Variants in AGMO observed in about 807,000 individuals in gnomAD.
AGMO encodes the protein glyceryl-ether monooxygenase.
In AGMO, 75 loss-of-function variants were observed where a neutral mutation model predicts 60.2. The ratio of observed to expected loss-of-function variants is 1.25; its 90% CI spans 1.03 to 1.51. The LOEUF is 1.51. Among genes scored for constraint, AGMO ranks in the 40% most tolerant of loss-of-function variants. The pLI is 0.00. For synonymous variants in AGMO, 261 were observed against 177.1 expected (o/e 1.47, Z -3.76); for missense variants, 763 against 525.5 (o/e 1.45, Z -4.42).
At chr7:15,334,932 C>T (rs190469094) in intron 12 of AGMO, among the ~76,000 whole-genome samples, 90 of 152,290 alleles carry the variant, frequency 5.9e-4, no homozygotes, top group African/African-American at 2.1e-3. Flanking sequence ...AGAGCCTTTA[C>T]TGGCTCTATT....
At chr7:15,223,048 C>T (rs1292502372) in intron 12 of AGMO, among the ~76,000 whole-genome samples, 2 of 151,852 alleles carry the variant, frequency 1.3e-5, no homozygotes, top group African/African-American at 4.8e-5. Context: ...AACAATGAAG[C>T]ATTTCATGTA....
intron 3 of AGMO, among the ~76,000 whole-genome samples, chr7:15,468,600 G>A (rs193187744): frequency 6.8e-4 from 103 of 152,090 alleles, no homozygotes; most frequent in Middle Eastern, 3.4e-3. Flanking sequence ...TGATAAGAAC[G>A]TGCCTTAGAG....
At chr7:15,199,211 T>C, downstream of AGMO, among the ~76,000 whole-genome samples, 1 of 152,188 alleles carries the variant, frequency 6.6e-6, no homozygotes, top group Non-Finnish European at 1.5e-5. Flanking sequence ...ACATTACCTG[T>C]CTGGTAACCA....
At chr7:15,156,458 G>A in the AGMO span, among the ~76,000 whole-genome samples, 3 of 152,310 alleles carry the variant, frequency 2.0e-5, no homozygotes, top group East Asian at 1.9e-4. Flanking sequence ...CTTGGGGCAT[G>A]GGCACCCATG....
At chr7:15,376,145 T>C (rs1022370989) in intron 10 of AGMO, among the ~76,000 whole-genome samples, 1 of 152,152 alleles carries the variant, frequency 6.6e-6, no homozygotes, top group Non-Finnish European at 1.5e-5. Flanking sequence ...ATTCATTTCA[T>C]GCCTTTGTAT....
the AGMO span, among the ~76,000 whole-genome samples, chr7:15,123,553 A>G: frequency 6.6e-6 from 1 of 152,092 alleles, no homozygotes; most frequent in Non-Finnish European, 1.5e-5. Flanking sequence ...GCTCTCTAAC[A>G]TGTTACTATA....
chr7:15,498,935 A>AT (rs1405317875), intron 3 of AGMO, among the ~76,000 whole-genome samples: 4 of 151,828 alleles, frequency 2.6e-5, no homozygotes, highest in African/African-American at 9.7e-5. Context: ...AGTCTCTGAG[A>AT]TAAAAATTAT....
At chr7:15,429,631 A>G (rs547245590) in intron 4 of AGMO, among the ~76,000 whole-genome samples, 50 of 152,044 alleles carry the variant, frequency 3.3e-4, no homozygotes, top group Admixed American at 1.3e-3. Flanking sequence ...TACAAGCGTC[A>G]TCACAGGTGT....
At chr7:15,375,214 T>C (rs377511948) in intron 10 of AGMO, among the ~76,000 whole-genome samples, 1 of 152,066 alleles carries the variant, frequency 6.6e-6, no homozygotes, top group East Asian at 1.9e-4. Flanking sequence ...GAATAATCTG[T>C]ATTTGCCTCA....
intron 12 of AGMO, among the ~76,000 whole-genome samples, chr7:15,278,753 GGGCAGTGGT>G (rs1368406751): frequency 3.5e-4 from 54 of 152,320 alleles, no homozygotes; most frequent in East Asian, 2.1e-3. Flanking sequence ...AGGGCAGCCG[GGGCAGTGGT>G]GGCAGTGGTG....
the AGMO span, among the ~76,000 whole-genome samples, chr7:15,139,730 G>A: frequency 6.7e-6 from 1 of 149,980 alleles, no homozygotes; most frequent in Non-Finnish European, 1.5e-5. Flanking sequence ...TTAATCTTAT[G>A]AGATTGTGCC....
intron 3 of AGMO, among the ~76,000 whole-genome samples, chr7:15,500,054 T>C (rs1783338108): frequency 6.6e-6 from 1 of 151,766 alleles, no homozygotes. Context: ...ATATGTTGTA[T>C]ATGAAAGCAA....
chr7:15,322,054 T>C (rs1167174573), intron 12 of AGMO, among the ~76,000 whole-genome samples: 4 of 151,988 alleles, frequency 2.6e-5, no homozygotes, highest in African/African-American at 9.7e-5. Context: ...ACATGTAGTC[T>C]CAGCTACTCA....
At chr7:15,551,402 T>G (rs1315170709) in intron 2 of AGMO, among the ~76,000 whole-genome samples, 6 of 149,108 alleles carry the variant, frequency 4.0e-5, no homozygotes, top group Non-Finnish European at 6.0e-5. Context: ...ACGACATGAT[T>G]GTATATCTAG....
At chr7:15,257,005 A>G (rs1044595971) in intron 12 of AGMO, among the ~76,000 whole-genome samples, 3 of 152,220 alleles carry the variant, frequency 2.0e-5, no homozygotes, top group Admixed American at 6.5e-5. Flanking sequence ...CATTTCTTTT[A>G]TAAGTCTTAC....
intron 2 of AGMO, 78 bp downstream of exon 2, chr7:15,560,063 C>A: frequency 7.8e-7 from 1 of 1,287,370 alleles, no homozygotes; most frequent in East Asian, 2.7e-5. Context: ...CTAATTCTCC[C>A]ATGCATTGGG....
intron 3 of AGMO, among the ~76,000 whole-genome samples, chr7:15,492,349 G>A (rs1783088227): frequency 8.3e-6 from 1 of 120,050 alleles, no homozygotes; most frequent in Non-Finnish European, 1.7e-5. Flanking sequence ...TCATTTTGAG[G>A]CCCAATACGA....
chr7:15,542,215 T>C (rs1476711804), intron 3 of AGMO, among the ~76,000 whole-genome samples: 1 of 152,222 alleles, frequency 6.6e-6, no homozygotes, highest in African/African-American at 2.4e-5. Context: ...ACTTTTTTCC[T>C]ACTAGCTTTC....
the AGMO span, among the ~76,000 whole-genome samples, chr7:15,172,173 C>G: frequency 3.2e-4 from 49 of 152,258 alleles, no homozygotes; most frequent in African/African-American, 1.2e-3. Context: ...CTGAGGGTGT[C>G]CCATCCTCAG....
Sources: gnomAD v4.1 joint callset for allele counts (sites outside exome capture counted in the v4.1 genomes callset) on GRCh38, gnomAD v4.1.1 for gene constraint, MANE v1.5 for transcripts, NCBI Gene and HGNC (gene_info 2026-07-23, HGNC 2026-07-21) for gene names.